CCDC141: variants seen among roughly 807,000 people sequenced by gnomAD.
The protein encoded by CCDC141 is coiled-coil domain containing 141.
In CCDC141, 168 loss-of-function variants were observed where a neutral mutation model predicts 181.0. That is an observed-to-expected ratio of 0.93 (90% CI 0.82 to 1.05). The LOEUF (loss-of-function observed/expected upper bound fraction) is 1.05, where lower values mean the gene tolerates loss of function less well. CCDC141 is among the 50% of genes least tolerant of loss of function. The pLI, the probability that CCDC141 is intolerant of heterozygous loss-of-function variation, is 0.00. For synonymous variants in CCDC141, 666 were observed against 642.3 expected, an observed-to-expected ratio of 1.04 and a Z score of -0.56; for missense variants, 1,902 against 1,788.5, an observed-to-expected ratio of 1.06 and a Z score of -1.14.
intron 6 of CCDC141, among the ~76,000 whole-genome samples, chr2:178,923,166 G>T (rs1688772919): frequency 6.8e-6 from 1 of 147,734 alleles, no homozygotes; most frequent in Non-Finnish European, 1.5e-5. Flanking sequence ...GTGCAGTGGC[G>T]GGATCTCGGC....
At chr2:178,942,219 T>C (rs1689553190) in intron 6 of CCDC141, among the ~76,000 whole-genome samples, 1 of 152,126 alleles carries the variant, frequency 6.6e-6, no homozygotes, top group Admixed American at 6.5e-5. Flanking sequence ...GCCTCCTGAA[T>C]AGCTGAGTAG....
At chr2:179,000,344 A>G (rs1330773968) in intron 2 of CCDC141, among the ~76,000 whole-genome samples, 2 of 152,180 alleles carry the variant, frequency 1.3e-5, no homozygotes, top group Non-Finnish European at 2.9e-5. Flanking sequence ...TATTGTCCAC[A>G]GCTACTATCA....
At chr2:178,866,693 TTTG>T (rs202184534) in intron 16 of CCDC141, among the ~76,000 whole-genome samples, 4,313 of 152,092 alleles carry the variant, frequency 0.028, 239 homozygotes, top group South Asian at 0.15. Context: ...TTTGTTTTGT[TTTG>T]TTGTTGTTGT....
At chr2:178,988,212 C>A (rs895516567) in intron 2 of CCDC141, among the ~76,000 whole-genome samples, 1 of 151,280 alleles carries the variant, frequency 6.6e-6, no homozygotes, top group Non-Finnish European at 1.5e-5. Context: ...AGTAAACTAT[C>A]GCAAGAACAA....
At position 178,884,934 on chromosome 2, in the gene CCDC141, T is replaced by G. The variant is rs973909334; in HGVS notation, c.1686A>C (p.Gln562His). 1 of 1,550,268 alleles carries G rather than the reference T, an allele frequency of 6.5e-7. No individual in the cohort carries two copies. Among genetic ancestry groups the G allele is most frequent in the African/African-American group, 1.4e-5 (1 of 73,040 alleles). Residue 562 changes from glutamine to histidine, a missense_variant, in exon 11 of 24, where the codon CAA becomes CAC. Physicochemically the swap from Gln to His is conservative, Grantham distance 24. Transcript: ENST00000443758. ...ATGACTTCAGAAATGCCACGTAAGTTTGCAGGACTTGCGATCTATAGTCAA... is the reference window on the plus strand; with the variant it reads ...ATGACTTCAGAAATGCCACGTAAGTGTGCAGGACTTGCGATCTATAGTCAA... ...QSIDYRSQVL[Q>H]TYVAFLKSSE...
At chr2:178,856,513 A>G (rs1259166509) in intron 17 of CCDC141, 116 bp from the exon 18 acceptor site, 1 of 734,952 alleles carries the variant, frequency 1.4e-6, no homozygotes, top group African/African-American at 1.8e-5. Context: ...AAAGGTATTT[A>G]GGGTAATTTT....
Position 179,049,831 on chromosome 2 carries a change from T to A in CCDC141, c.102+9A>T. On this transcript the variant is annotated intron_variant, in intron 1 of 23. Coordinates refer to ENST00000443758, the MANE Select transcript of CCDC141 (RefSeq NM_173648.4). Reference sequence around the variant, plus strand: ...CAGCCGCACAGAAAAAAGGAAGTTGTTAGCTTACCTTTATGACAGCTATAA... The same window carrying A: ...CAGCCGCACAGAAAAAAGGAAGTTGATAGCTTACCTTTATGACAGCTATAA... 1 of 1,550,648 alleles carries A rather than the reference T, an allele frequency of 6.4e-7. No homozygotes were observed.
chr2:178,902,497 C>A (rs954819687), intron 8 of CCDC141, among the ~76,000 whole-genome samples: 5 of 152,132 alleles, frequency 3.3e-5, no homozygotes, highest in African/African-American at 9.7e-5. Flanking sequence ...CAAAAACAAG[C>A]AATGGGGAAA....
chr2:178,863,019 TA>T (rs982293855), intron 17 of CCDC141, among the ~76,000 whole-genome samples: 8 of 151,858 alleles, frequency 5.3e-5, no homozygotes, highest in East Asian at 3.8e-4. Context: ...GAGGAAAGCA[TA>T]AAAAAAAGAA....
chr2:179,037,653 G>GA (rs1289172506), intron 2 of CCDC141, among the ~76,000 whole-genome samples: 1 of 152,088 alleles, frequency 6.6e-6, no homozygotes, highest in Non-Finnish European at 1.5e-5. Context: ...CTCAACAACA[G>GA]AAAATCCAAA....
At chr2:178,858,030 C>T (rs1025798861) in intron 17 of CCDC141, among the ~76,000 whole-genome samples, 2 of 152,136 alleles carry the variant, frequency 1.3e-5, no homozygotes, top group African/African-American at 4.8e-5. Context: ...AGAATTTTTG[C>T]ATCTGATACA....
intron 2 of CCDC141, among the ~76,000 whole-genome samples, chr2:179,038,265 A>C (rs942907718): frequency 6.6e-6 from 1 of 152,216 alleles, no homozygotes; most frequent in African/African-American, 2.4e-5. Context: ...AGTCAGGCAC[A>C]AAAGGACAAA....
chr2:178,863,376 C>T (rs987154797), intron 17 of CCDC141, among the ~76,000 whole-genome samples: 3 of 152,152 alleles, frequency 2.0e-5, no homozygotes, highest in Non-Finnish European at 4.4e-5. Flanking sequence ...AAATGCTATA[C>T]TTGGTTTAGT....
intron 2 of CCDC141, among the ~76,000 whole-genome samples, chr2:179,024,131 T>C (rs1477897110): frequency 1.3e-5 from 2 of 152,170 alleles, no homozygotes; most frequent in African/African-American, 2.4e-5. Flanking sequence ...AAAAGAAGAA[T>C]AATGACACAA....
At chr2:178,871,709 T>C (rs1399988806) in intron 13 of CCDC141, among the ~76,000 whole-genome samples, 157 bp from the exon 14 acceptor site, 2 of 152,106 alleles carry the variant, frequency 1.3e-5, no homozygotes, top group African/African-American at 4.8e-5. Context: ...CACCAAGAAG[T>C]AAGGCCCTTG....
At chr2:178,863,965 C>G (rs916363337) in intron 17 of CCDC141, among the ~76,000 whole-genome samples, 2 of 152,180 alleles carry the variant, frequency 1.3e-5, no homozygotes, top group Admixed American at 1.3e-4. Context: ...CCGGCTGGCT[C>G]CAAACACAGT....
intron 7 of CCDC141, among the ~76,000 whole-genome samples, chr2:178,905,730 C>A (rs1687936587): frequency 6.6e-6 from 1 of 152,086 alleles, no homozygotes; most frequent in Admixed American, 6.6e-5. Context: ...AATGTCAATA[C>A]CATAAAATCA....
intron 14 of CCDC141, among the ~76,000 whole-genome samples, chr2:178,870,152 A>C (rs531135732): frequency 6.8e-6 from 1 of 146,768 alleles, no homozygotes; most frequent in East Asian, 2.1e-4. Context: ...GAATCACTTG[A>C]ACCTGGGAGG....
chr2:179,032,245 G>A (rs2043020224), intron 2 of CCDC141, among the ~76,000 whole-genome samples: 1 of 152,104 alleles, frequency 6.6e-6, no homozygotes, highest in Admixed American at 6.6e-5. Context: ...AAAGCAATGT[G>A]AATTCATTCC....
Sources: allele counts gnomAD v4.1 joint callset (sites outside exome capture counted in the v4.1 genomes callset), GRCh38; gene constraint gnomAD v4.1.1; transcripts MANE v1.5; gene names NCBI Gene and HGNC (gene_info 2026-07-23, HGNC 2026-07-21).